The following ADGRD1 variants were observed in gnomAD, a reference collection of about 807,000 sequenced individuals.
The protein encoded by ADGRD1 is G-protein coupled receptor 133.
A neutral mutation model predicts 113.4 loss-of-function variants in ADGRD1; 77 were observed. The observed-to-expected ratio is 0.68, with a 90% CI of 0.57 to 0.82. The LOEUF (loss-of-function observed/expected upper bound fraction) is 0.82. Among genes scored for constraint, ADGRD1 ranks in the 40% least tolerant of loss-of-function variants. ADGRD1 has a pLI of 0.00. For missense variants in ADGRD1, 1,036 were observed against 1,139.1 expected (o/e 0.91, Z 1.30); for synonymous variants, 474 against 475.0 (o/e 1.00, Z 0.03).
chr12:131,104,337 G>A (rs1950176564), intron 15 of ADGRD1, among the ~76,000 whole-genome samples: 1 of 152,230 alleles, frequency 6.6e-6, no homozygotes, highest in South Asian at 2.1e-4. Context: ...AGCTGCTCCA[G>A]CACTTTATGT....
rs76234479 is a variant in ADGRD1 at position 131,112,979 on chromosome 12, G to T, written c.2041+4102G>T. On this transcript the variant is annotated intron_variant, in intron 18 of 24. Transcript: ENST00000261654. ...GTAGAGCTTCTAAAGCACAAAGTTG[G>T]GGGGAATGAGAAATGCGGGCAGCCT... Among the ~76,000 whole-genome samples the T allele has an allele frequency of 7.1e-3, 1,082 of 151,840 alleles. 5 individuals are homozygous for T. The highest frequency in any genetic ancestry group is 0.014 in the Middle Eastern group (4 of 294).
rs886937349 is a variant in ADGRD1, at chr12:131,086,570, T to G, written c.1671+1907T>G. On this transcript the variant is annotated intron_variant, in intron 15 of 24. Transcript: ENST00000261654. ...GAGACAGGGCCCTGGTTTTTGGAAG[T>G]GACTTGTAATGCTGCTGGGGCAGAT... Among the ~76,000 whole-genome samples the G allele has an allele frequency of 2.6e-5, 4 of 152,212 alleles. No individual in the cohort carries two copies. The South Asian group carries it at 6.2e-4, about 24-fold the overall frequency.
chr12:131,007,656 A>T (rs926504878), intron 12 of ADGRD1, among the ~76,000 whole-genome samples: 1 of 152,240 alleles, frequency 6.6e-6, no homozygotes, highest in African/African-American at 2.4e-5. Context: ...GTCCCCCTGC[A>T]AACCGAGGGC....
In ADGRD1 at chr12:131,108,712, G is replaced by A. The variant is rs746228145; in HGVS notation, c.1888-12G>A. ...AGAGCTGTCTCACTTCCCATCTCTGGTTAAATCCTAGACCCCCTGCCAAGT... is the reference window on the plus strand; with the variant it reads ...AGAGCTGTCTCACTTCCCATCTCTGATTAAATCCTAGACCCCCTGCCAAGT... On this transcript the variant is annotated splice_polypyrimidine_tract_variant and intron_variant, in intron 17 of 24. Coordinates refer to ENST00000261654, the MANE Select transcript of ADGRD1 (RefSeq NM_198827.5). The A allele has an allele frequency of 8.7e-6, 14 of 1,614,070 alleles. No homozygotes were observed. Among genetic ancestry groups the A allele is most frequent in the Non-Finnish European group, 1.2e-5 (14 of 1,180,000 alleles).
chr12:131,048,390 C>T (rs1371867106), intron 13 of ADGRD1, among the ~76,000 whole-genome samples: 1 of 152,184 alleles, frequency 6.6e-6, no homozygotes, highest in Admixed American at 6.5e-5. Flanking sequence ...TGGAAGCAGC[C>T]GCCCATCCTC....
chr12:131,083,247 T>G (rs1337849838), intron 14 of ADGRD1, among the ~76,000 whole-genome samples: 1 of 152,232 alleles, frequency 6.6e-6, no homozygotes, highest in African/African-American at 2.4e-5. Context: ...TTGTCTTTAC[T>G]GATAACTTGA....
rs1264824915 is a variant in ADGRD1 at position 130,954,849 on chromosome 12, G to A, written c.103+189G>A. On this transcript the variant is annotated intron_variant, in intron 2 of 24. Coordinates refer to ENST00000261654, the MANE Select transcript of ADGRD1 (RefSeq NM_198827.5). This position sits in a 1 kb window ranked among gnomAD's most constrained non-coding sequence, Gnocchi z 4.7. ...CTCTGCTACCCCTCACCGGCTGAGC[G>A]GTGGATGGAGAAGTGGTTCTGGGCC... Among the ~76,000 whole-genome samples, 2 of 152,216 alleles carry A rather than the reference G, an allele frequency of 1.3e-5. No individual in the cohort carries two copies. The highest frequency in any genetic ancestry group is 4.8e-5 in the African/African-American group (2 of 41,438).
intron 13 of ADGRD1, chr12:131,023,784 G>A (rs116887668): frequency 2.0e-5 from 3 of 152,274 alleles, no homozygotes; most frequent in Non-Finnish European, 4.4e-5. Context: ...GCATATTCCT[G>A]CAGTGGGCGG....
intron 13 of ADGRD1, among the ~76,000 whole-genome samples, chr12:131,049,234 G>A (rs766454557): frequency 1.3e-5 from 2 of 152,188 alleles, no homozygotes; most frequent in African/African-American, 2.4e-5. Context: ...CTGAGCCCAG[G>A]GCTGGCACAA....
At chr12:131,085,888 C>T (rs568586839) in intron 15 of ADGRD1, among the ~76,000 whole-genome samples, 37 of 152,176 alleles carry the variant, frequency 2.4e-4, no homozygotes, top group Non-Finnish European at 3.8e-4. Context: ...ATCTTCCGTG[C>T]GGAGCCCTGG....
chr12:131,041,841 G>A lies in ADGRD1; in HGVS notation c.1473+27501G>A, dbSNP rs570901763. Among the ~76,000 whole-genome samples the A allele has an allele frequency of 2.4e-4, 37 of 152,224 alleles. No individual in the cohort carries two copies. The highest frequency in any genetic ancestry group is 7.0e-4 in the African/African-American group (29 of 41,538). On this transcript the variant is annotated intron_variant, in intron 13 of 24. Coordinates refer to ENST00000261654, the MANE Select transcript of ADGRD1 (RefSeq NM_198827.5). The surrounding 1 kb of genome is among the most constrained non-coding windows in gnomAD (Gnocchi z 4.4). ...TGCCCACGTCACATTCCCTCCCCAC[G>A]GTCCTCCTTTCCTGGGTTATTTTTC...
rs5801945 is a variant in ADGRD1 at position 130,992,120 on chromosome 12, C to CA, written c.811-100dup. 676 of 657,888 alleles carry CA rather than the reference C, an allele frequency of 1.0e-3. 1 individual carries two copies. The African/African-American group carries it at 0.011, about 11-fold the overall frequency. The allele number at this position is 657,888 out of a possible 1,614,324, so 40.8% of individuals were successfully genotyped here. ...TGGGCAACAGAGCAAGACTCAGTCT[C>CA]AAAAAAAAAAAAAAAAATTAAAAAA... On this transcript the variant is annotated intron_variant, in intron 7 of 24. Transcript: ENST00000261654.
At position 131,113,018 on chromosome 12, in the gene ADGRD1, C is replaced by G. The variant is rs2137371990; in HGVS notation, c.2041+4141C>G. Among the ~76,000 whole-genome samples, 1 of 152,296 alleles carries G rather than the reference C, an allele frequency of 6.6e-6. No homozygotes were observed. Among genetic ancestry groups the G allele is most frequent in the African/African-American group, 2.4e-5 (1 of 41,572 alleles). The stretch of plus-strand genomic sequence containing the variant: ...TGCGGGCAGCCTTCCCCACCTCCCC[C>G]AGCCTGGGGAGATACCGTAGCCCTG... On this transcript the variant is annotated intron_variant, in intron 18 of 24. Transcript: ENST00000261654. The surrounding 1 kb of genome is among the most constrained non-coding windows in gnomAD (Gnocchi z 4.9).
chr12:131,088,865 T>G (rs575790369), intron 15 of ADGRD1, among the ~76,000 whole-genome samples: 5 of 152,318 alleles, frequency 3.3e-5, no homozygotes, highest in Non-Finnish European at 5.9e-5. Context: ...CAGTTATTAC[T>G]TCTGAGCCAT....
At chr12:130,960,149 C>T (rs1020130117) in intron 2 of ADGRD1, among the ~76,000 whole-genome samples, 1 of 152,190 alleles carries the variant, frequency 6.6e-6, no homozygotes, top group Admixed American at 6.5e-5. Context: ...TATAAGCATG[C>T]CATTTTATAC....
At chr12:131,073,433 A>T (rs1040349333) in intron 13 of ADGRD1, among the ~76,000 whole-genome samples, 1 of 152,222 alleles carries the variant, frequency 6.6e-6, no homozygotes, top group African/African-American at 2.4e-5. Flanking sequence ...TGTTCCACTG[A>T]GATCCACCTG....
chr12:130,966,637 C>A lies in ADGRD1; in HGVS notation c.187+91C>A, dbSNP rs933900889. The A allele has an allele frequency of 3.6e-6, 3 of 823,110 alleles. No homozygotes were observed. The highest frequency in any genetic ancestry group is 6.4e-6 in the Non-Finnish European group (3 of 466,560). The allele number at this position is 823,110 out of a possible 1,614,324, so 51.0% of individuals were successfully genotyped here. On this transcript the variant is annotated intron_variant, in intron 3 of 24. Coordinates refer to ENST00000261654, the MANE Select transcript of ADGRD1 (RefSeq NM_198827.5). The surrounding 1 kb of genome is among the most constrained non-coding windows in gnomAD (Gnocchi z 4.6). ...TGCTGAGAGTGGCTGGCCTTGAAAT[C>A]CCAGGGCCATTGGGGGACGTGGGTG...
intron 13 of ADGRD1, among the ~76,000 whole-genome samples, chr12:131,045,492 G>GTGCT (rs1446104352): frequency 7.2e-6 from 1 of 139,050 alleles, no homozygotes; most frequent in Non-Finnish European, 1.5e-5. Context: ...CGGCAGGGCA[G>GTGCT]TGCTGTACAG....
chr12:130,990,768 G>GA lies in ADGRD1; in HGVS notation c.746-244dup, dbSNP rs773939415. On this transcript the variant is annotated intron_variant, in intron 6 of 24. Transcript: ENST00000261654. ...CATCTTTTGATATGCTGACTTGCAT[G>GA]AAGGGTGTTCAAAAGCGATTGAGAA... 44 of 421,224 alleles carry GA rather than the reference G, an allele frequency of 1.0e-4. 1 individual carries two copies. The Middle Eastern group carries it at 1.8e-3, about 17-fold the overall frequency. 26.1% of individuals were successfully genotyped at this position (421,224 alleles called of 1,614,324 possible). A position where few individuals can be genotyped will look rare whatever the true frequency, so the allele number is the denominator to read the frequency against.
Sources: allele counts gnomAD v4.1 joint callset (sites outside exome capture counted in the v4.1 genomes callset), GRCh38; gene constraint gnomAD v4.1.1; non-coding constraint Gnocchi (gnomAD v3.1); transcripts MANE v1.5; gene names NCBI Gene and HGNC (gene_info 2026-07-23, HGNC 2026-07-21).